CERT1: variants seen among roughly 807,000 people sequenced by gnomAD.
CERT1 encodes ceramide transfer protein.
In CERT1, 31 loss-of-function variants were observed where a neutral mutation model predicts 87.9. The observed-to-expected ratio is 0.35, with a 90% CI of 0.27 to 0.48. The LOEUF (loss-of-function observed/expected upper bound fraction) is 0.48. CERT1 is among the 20% of genes least tolerant of loss of function. CERT1 has a pLI of 0.99. For missense variants in CERT1, 487 were observed against 758.0 expected (o/e 0.64, Z 4.20); for synonymous variants, 289 against 250.9 (o/e 1.15, Z -1.44).
At position 75,405,875 on chromosome 5, in the gene CERT1, G is replaced by T. The variant is rs1020539279; in HGVS notation, c.931-2817C>A. Among the ~76,000 whole-genome samples the T allele has an allele frequency of 2.4e-3, 142 of 59,704 alleles. 1 individual carries two copies. The African/African-American group carries it at 0.027, about 11-fold the overall frequency. The allele number at this position is 59,704 out of a possible 152,430, so 39.2% of individuals were successfully genotyped here. A position where few individuals can be genotyped will look rare whatever the true frequency, so the allele number is the denominator to read the frequency against. On this transcript the variant is annotated intron_variant, in intron 8 of 16. Transcript: ENST00000643780. Reference sequence around the variant, plus strand: ...GTTCAGTACTATCTGCAGTTACTGGGGGGGGGGGGGGTCTTGTAATGTATC... The same window carrying T: ...GTTCAGTACTATCTGCAGTTACTGGTGGGGGGGGGGGTCTTGTAATGTATC...
intron 9 of CERT1, chr5:75,400,928 T>A (rs775526128): frequency 6.6e-6 from 1 of 152,220 alleles, no homozygotes; most frequent in East Asian, 1.9e-4. Flanking sequence ...CCCATGTATC[T>A]TTCTTTCCCT....
chr5:75,397,184 T>C (rs1466808228), intron 11 of CERT1, among the ~76,000 whole-genome samples: 2 of 152,246 alleles, frequency 1.3e-5, no homozygotes, highest in African/African-American at 4.8e-5. Context: ...TGACAACTAA[T>C]GCTTTAGCAA....
chr5:75,429,560 T>C (rs1763780080), intron 3 of CERT1, among the ~76,000 whole-genome samples: 1 of 152,078 alleles, frequency 6.6e-6, no homozygotes, highest in Admixed American at 6.5e-5. Flanking sequence ...GGCTTGTGCC[T>C]CTAGTCCCAG....
intron 2 of CERT1, among the ~76,000 whole-genome samples, chr5:75,492,991 A>T (rs563347551): frequency 3.3e-5 from 5 of 152,326 alleles, no homozygotes; most frequent in African/African-American, 1.2e-4. Context: ...ATTTCTAACA[A>T]GTTCACAGTT....
chr5:75,459,337 G>T (rs1765130943), intron 2 of CERT1, among the ~76,000 whole-genome samples, 156 bp from the exon 3 acceptor site: 1 of 152,162 alleles, frequency 6.6e-6, no homozygotes. Flanking sequence ...AGATAAGAAT[G>T]TACAAAGGCA....
intron 11 of CERT1, among the ~76,000 whole-genome samples, chr5:75,398,883 A>G (rs760175487): frequency 6.6e-6 from 1 of 152,258 alleles, no homozygotes; most frequent in Non-Finnish European, 1.5e-5. Flanking sequence ...ATTATTAAAA[A>G]GTGATTTCCT....
At position 75,457,930 on chromosome 5, in the gene CERT1, T is replaced by C. The variant is rs1219752369; in HGVS notation, c.348+1135A>G. The stretch of plus-strand genomic sequence containing the variant: ...CGCGCGTGTGTGTGTGTGTGTGGTG[T>C]GTGTGTGTGTGTTTTGTGCCTGTTA... On this transcript the variant is annotated intron_variant, in intron 3 of 16. Transcript: ENST00000643780. 2.7e-5 allele frequency among the ~76,000 whole-genome samples: 4 copies of C among 146,492 alleles called. No individual in the cohort carries two copies. The East Asian group carries it at 8.6e-4, about 31-fold the overall frequency.
At chr5:75,408,625 G>A (rs1037107322) in intron 8 of CERT1, among the ~76,000 whole-genome samples, 16 of 152,132 alleles carry the variant, frequency 1.1e-4, no homozygotes, top group Admixed American at 4.6e-4. Flanking sequence ...ACTCTAAAAG[G>A]AGGAAGGTTG....
At chr5:75,468,760 AT>A (rs1561284877) in intron 2 of CERT1, among the ~76,000 whole-genome samples, 5 of 152,180 alleles carry the variant, frequency 3.3e-5, no homozygotes, top group Non-Finnish European at 7.3e-5. Context: ...TGCAACAGTC[AT>A]GGGCTTAGAG....
chr5:75,478,058 A>G (rs1766051878), intron 2 of CERT1, among the ~76,000 whole-genome samples: 1 of 152,240 alleles, frequency 6.6e-6, no homozygotes, highest in Non-Finnish European at 1.5e-5. Flanking sequence ...CACGCCTGTA[A>G]TCCCAGCACT....
intron 5 of CERT1, among the ~76,000 whole-genome samples, chr5:75,421,808 G>A (rs1763389188): frequency 6.6e-6 from 1 of 152,104 alleles, no homozygotes; most frequent in Non-Finnish European, 1.5e-5. Flanking sequence ...AGTTAAAACA[G>A]TTTGTTACTC....
intron 3 of CERT1, among the ~76,000 whole-genome samples, chr5:75,444,581 T>G (rs1764462128): frequency 6.8e-6 from 1 of 146,532 alleles, no homozygotes; most frequent in Non-Finnish European, 1.5e-5. Context: ...CAGAGTCTCA[T>G]TCTGTCACCA....
chr5:75,393,629 T>TAAAAAAAAAAAAAAAAAAA (rs1762122597), intron 11 of CERT1, among the ~76,000 whole-genome samples: 1 of 37,538 alleles, frequency 2.7e-5, no homozygotes, highest in African/African-American at 8.9e-5. Context: ...AAAAAGAAAG[T>TAAAAAAAAAAAAAAAAAAA]CTAGAAGGGC....
At chr5:75,413,519 G>T (rs915854602) in intron 7 of CERT1, among the ~76,000 whole-genome samples, 1 of 152,172 alleles carries the variant, frequency 6.6e-6, no homozygotes, top group African/African-American at 2.4e-5. Context: ...TGAGGCAGGA[G>T]GATCACCCGA....
Position 75,387,811 on chromosome 5 carries a change from T to G in CERT1, c.1285-1777A>C, listed in dbSNP as rs1277067306. Among the ~76,000 whole-genome samples, 4 of 152,200 alleles carry G rather than the reference T, an allele frequency of 2.6e-5. 1 individual carries two copies. In the South Asian group the frequency reaches 8.3e-4, roughly 31 times the overall value. On this transcript the variant is annotated intron_variant, in intron 12 of 16. Coordinates refer to ENST00000643780, the MANE Select transcript of CERT1 (RefSeq NM_001379029.1). ...AGTCTACTGTTGTAGACAATTGTTA[T>G]AGACAACGATTGTTCTCTTTAGAGA... is the stretch of plus-strand genomic sequence containing the variant.
chr5:75,488,873 T>C (rs749440912), intron 2 of CERT1, among the ~76,000 whole-genome samples: 1 of 152,208 alleles, frequency 6.6e-6, no homozygotes, highest in Non-Finnish European at 1.5e-5. Context: ...TCTGAGACAT[T>C]TTTCCTTGAT....
At chr5:75,392,128 T>G (rs987011662) in intron 11 of CERT1, among the ~76,000 whole-genome samples, 2 of 152,170 alleles carry the variant, frequency 1.3e-5, no homozygotes, top group African/African-American at 4.8e-5. Flanking sequence ...GAAAACAGAT[T>G]CCACAAATAT....
At chr5:75,398,103 G>C in intron 11 of CERT1, among the ~76,000 whole-genome samples, 1 of 152,158 alleles carries the variant, frequency 6.6e-6, no homozygotes, top group East Asian at 1.9e-4. Context: ...GGTTATGGAT[G>C]ATTTCTGATC....
intron 3 of CERT1, among the ~76,000 whole-genome samples, chr5:75,438,389 G>C (rs1242954899): frequency 6.6e-6 from 1 of 152,082 alleles, no homozygotes; most frequent in African/African-American, 2.4e-5. Context: ...GCTTTTTGAG[G>C]GTGAAGCAGG....
Sources: allele counts gnomAD v4.1 joint callset (sites outside exome capture counted in the v4.1 genomes callset), GRCh38; gene constraint gnomAD v4.1.1; transcripts MANE v1.5; gene names NCBI Gene and HGNC (gene_info 2026-07-23, HGNC 2026-07-21).